TMEM170A: variants seen among roughly 807,000 people sequenced by gnomAD.
The protein encoded by TMEM170A is transmembrane protein 170.
In TMEM170A, 18 loss-of-function variants were observed where a neutral mutation model predicts 12.8. The observed-to-expected ratio is 1.41, with a 90% CI of 0.97 to 2.09. The LOEUF is 2.09. TMEM170A is among the 30% of genes most tolerant of loss of function. TMEM170A has a pLI of 0.00. For synonymous variants in TMEM170A, 107 were observed against 76.2 expected (o/e 1.40, Z -2.11); for missense variants, 220 against 179.9 (o/e 1.22, Z -1.28).
At position 75,451,752 on chromosome 16, in the gene TMEM170A, C is replaced by A. The variant is rs1352186134; in HGVS notation, c.221G>T (p.Arg74Ile). The A allele has an allele frequency of 1.9e-6, 3 of 1,614,010 alleles. No individual in the cohort carries two copies. In the African/African-American group the frequency reaches 4.0e-5, roughly 22 times the overall value. ...CATGAACCTACCATATTTGTGATGT[C>A]TGAGGGTGAAGAGGGCCAGTAATCC... is the stretch of plus-strand genomic sequence containing the variant. ...PAGLLALFTL[R>I]HHKYGRFMSV... is the part of the protein sequence containing the mutation. Residue 74 changes from arginine (R) to isoleucine (I), a missense_variant, in exon 2 of 3, where the codon AGA (arginine) becomes ATA (isoleucine). Transcript: ENST00000561878.
chr16:75,457,985 T>C (rs12447800), intron 1 of TMEM170A, among the ~76,000 whole-genome samples: 11 of 152,350 alleles, frequency 7.2e-5, no homozygotes, highest in Admixed American at 5.2e-4. Flanking sequence ...AAGGCAAACC[T>C]GAATCTAAAA....
chr16:75,453,754 T>C (rs1282480911), intron 1 of TMEM170A, among the ~76,000 whole-genome samples: 2 of 152,242 alleles, frequency 1.3e-5, no homozygotes, highest in African/African-American at 4.8e-5. Flanking sequence ...TTAGGAGAGC[T>C]GGCTCCTACA....
intron 1 of TMEM170A, among the ~76,000 whole-genome samples, chr16:75,457,614 C>T (rs920701409): frequency 1.3e-5 from 2 of 152,172 alleles, no homozygotes; most frequent in Non-Finnish European, 2.9e-5. Context: ...TTTGTTATGG[C>T]GGCCCATGCT....
intron 1 of TMEM170A, among the ~76,000 whole-genome samples, chr16:75,455,795 GA>G (rs1450410004): frequency 1.3e-5 from 2 of 152,102 alleles, no homozygotes; most frequent in Non-Finnish European, 2.9e-5. Context: ...AACAAGGTAA[GA>G]AAAAACAAAG....
intron 1 of TMEM170A, among the ~76,000 whole-genome samples, chr16:75,463,923 C>G (rs2079949722): frequency 6.6e-6 from 1 of 152,218 alleles, no homozygotes; most frequent in Non-Finnish European, 1.5e-5. Flanking sequence ...GGAAAGATTC[C>G]TAGAAAGCGG....
Position 75,447,333 on chromosome 16 carries a change from A to T in TMEM170A, c.*225T>A. On this transcript the variant is annotated 3_prime_UTR_variant, in exon 3 of 3. Coordinates refer to ENST00000561878, the MANE Select transcript of TMEM170A (RefSeq NM_145254.3). ...TGCTTAAATCAAATATCTACAAAAA[A>T]GAAAGCCAAAAGACTTGTTTTGGTT... is the stretch of plus-strand genomic sequence containing the variant. 2.7e-6 allele frequency: 1 copy of T among 368,178 alleles called. No individual in the cohort carries two copies. The highest frequency in any genetic ancestry group is 4.7e-6 in the Non-Finnish European group (1 of 214,546). The allele number at this position is 368,178 out of a possible 1,614,324, so 22.8% of individuals were successfully genotyped here.
In TMEM170A at chr16:75,460,221, G is replaced by A. The variant is rs79112661; in HGVS notation, c.133+4247C>T. 3.7e-3 allele frequency among the ~76,000 whole-genome samples: 570 copies of A among 152,238 alleles called. 4 individuals carry two copies. Among genetic ancestry groups the A allele is most frequent in the African/African-American group, 0.012 (505 of 41,544 alleles). ...GGTAAGTTTCTTAAGTTTCTTCTTT[G>A]TACAAAGAACGTTTCTTCTCAGGAT... On this transcript the variant is annotated intron_variant, in intron 1 of 2. Transcript: ENST00000561878.
At position 75,449,014 on chromosome 16, in the gene TMEM170A, C is replaced by G. The variant is rs574267046; in HGVS notation, c.305-1326G>C. 4.0e-5 allele frequency among the ~76,000 whole-genome samples: 6 copies of G among 151,486 alleles called. 1 individual carries two copies. The East Asian group carries it at 1.2e-3, about 29-fold the overall frequency. On this transcript the variant is annotated intron_variant, in intron 2 of 2. Transcript: ENST00000561878. The stretch of plus-strand genomic sequence containing the variant: ...AGGTCAAGGCTGCAGTGAGCTGTGA[C>G]TATGCCACTGCACTCCAGCCTGGGT...
In TMEM170A at chr16:75,447,156, T is replaced by C. The variant is rs2079601419; in HGVS notation, c.*402A>G. 1 of 153,506 alleles carries C rather than the reference T, an allele frequency of 6.5e-6. No individual in the cohort carries two copies. Among genetic ancestry groups the C allele is most frequent in the African/African-American group, 2.4e-5 (1 of 41,520 alleles). The allele number at this position is 153,506 out of a possible 1,614,324, so 9.5% of individuals were successfully genotyped here. A position where few individuals can be genotyped will look rare whatever the true frequency, so the allele number is the denominator to read the frequency against. ...TAATCAAGATTAGATAAGATTTTAA[T>C]ACAACATACTCTGCTCATTTGAAAT... is the stretch of plus-strand genomic sequence containing the variant. On this transcript the variant is annotated 3_prime_UTR_variant, in exon 3 of 3. Coordinates refer to ENST00000561878, the MANE Select transcript of TMEM170A (RefSeq NM_145254.3).
intron 1 of TMEM170A, 99 bp from the exon 2 acceptor site, chr16:75,451,938 G>A (rs558352925): frequency 1.1e-5 from 12 of 1,109,314 alleles, no homozygotes; most frequent in East Asian, 8.2e-5. Context: ...TTTCAACACC[G>A]TTTCTTTTTT....
At chr16:75,453,172 G>A (rs2079719838) in intron 1 of TMEM170A, among the ~76,000 whole-genome samples, 1 of 152,124 alleles carries the variant, frequency 6.6e-6, no homozygotes, top group African/African-American at 2.4e-5. Context: ...GGCAGCTCAC[G>A]ACTGTAATCC....
intron 1 of TMEM170A, among the ~76,000 whole-genome samples, chr16:75,459,376 G>A (rs542736432): frequency 1.3e-5 from 2 of 152,230 alleles, no homozygotes; most frequent in African/African-American, 4.8e-5. Context: ...TGACCAACCT[G>A]GCCCCAAATG....
intron 1 of TMEM170A, 100 bp downstream of exon 1, chr16:75,464,368 G>A (rs1160905797): frequency 1.3e-5 from 18 of 1,378,146 alleles, no homozygotes; most frequent in South Asian, 1.0e-4. Flanking sequence ...CACGCCGCCA[G>A]CAGGCTGCGC....
chr16:75,459,260 C>T (rs2079858128), intron 1 of TMEM170A, among the ~76,000 whole-genome samples: 1 of 152,172 alleles, frequency 6.6e-6, no homozygotes, highest in Admixed American at 6.6e-5. Context: ...ACACAGAGAG[C>T]AGAATCCTCT....
chr16:75,452,050 C>T (rs2079698309), intron 1 of TMEM170A, among the ~76,000 whole-genome samples: 1 of 152,160 alleles, frequency 6.6e-6, no homozygotes, highest in African/African-American at 2.4e-5. Context: ...CGGCTCACTG[C>T]AAGCTCTGCC....
At chr16:75,448,827 C>T (rs1183297889) in intron 2 of TMEM170A, among the ~76,000 whole-genome samples, 2 of 151,428 alleles carry the variant, frequency 1.3e-5, no homozygotes, top group African/African-American at 2.4e-5. Flanking sequence ...TTTGGAAGGC[C>T]GAGGCAGGAG....
At chr16:75,449,252 G>A (rs2079637879) in intron 2 of TMEM170A, among the ~76,000 whole-genome samples, 3 of 151,972 alleles carry the variant, frequency 2.0e-5, no homozygotes, top group Admixed American at 2.0e-4. Context: ...CAAGGTACTT[G>A]GAATCTAGCT....
At chr16:75,463,772 C>T (rs868723219) in intron 1 of TMEM170A, among the ~76,000 whole-genome samples, 112 of 152,330 alleles carry the variant, frequency 7.4e-4, no homozygotes, top group African/African-American at 2.5e-3. Context: ...GCACGGAGCG[C>T]TCTTCCTGGC....
Position 75,445,271 on chromosome 16 carries a change from G to A in TMEM170A, c.*2287C>T, listed in dbSNP as rs372960535. 3.9e-5 allele frequency: 6 copies of A among 152,194 alleles called. No individual in the cohort carries two copies. The highest frequency in any genetic ancestry group is 7.2e-5 in the African/African-American group (3 of 41,440). 9.4% of individuals were successfully genotyped at this position (152,194 alleles called of 1,614,324 possible). ...CAACTCTACTTATAAGTTTCTGCCC[G>A]TGTATATGTCACTATAGTTTTGATA... On this transcript the variant is annotated 3_prime_UTR_variant, in exon 3 of 3. Transcript: ENST00000561878.
Sources: gnomAD v4.1 joint callset for allele counts (sites outside exome capture counted in the v4.1 genomes callset) on GRCh38, gnomAD v4.1.1 for gene constraint, MANE v1.5 for transcripts, NCBI Gene and HGNC (gene_info 2026-07-23, HGNC 2026-07-21) for gene names.